The following LRRC4C variants were observed in gnomAD, a reference collection of about 807,000 sequenced individuals.
The protein encoded by LRRC4C is leucine rich repeat containing 4C, also known as leucine-rich repeat-containing protein 4C.
In LRRC4C, 5 loss-of-function variants were observed where a neutral mutation model predicts 33.6. The ratio of observed to expected loss-of-function variants is 0.15; its 90% CI spans 0.08 to 0.31. The LOEUF (loss-of-function observed/expected upper bound fraction) is 0.31, where lower values mean the gene tolerates loss of function less well. Among genes scored for constraint, LRRC4C ranks in the 10% least tolerant of loss-of-function variants. The probability of loss-of-function intolerance (pLI) is 1.00; values close to 1 mark genes in which losing one functional copy is unlikely to be tolerated. For missense variants in LRRC4C, 560 were observed against 796.7 expected, an observed-to-expected ratio of 0.70 and a Z score of 3.58; for synonymous variants, 329 against 302.0, an observed-to-expected ratio of 1.09 and a Z score of -0.93.
chr11:41,006,697 G>A (rs1854777299), intron 1 of LRRC4C, among the ~76,000 whole-genome samples: 1 of 152,058 alleles, frequency 6.6e-6, no homozygotes, highest in Admixed American at 6.6e-5. Context: ...GAAAAAGAAG[G>A]GGGAAAAGTA....
chr11:41,196,882 T>C (rs1026613375), intron 1 of LRRC4C, among the ~76,000 whole-genome samples: 1 of 152,098 alleles, frequency 6.6e-6, no homozygotes, highest in Non-Finnish European at 1.5e-5. Flanking sequence ...CCCAACTTTC[T>C]GCAGGTAGAA....
At chr11:40,909,528 G>A (rs76836974) in intron 2 of LRRC4C, among the ~76,000 whole-genome samples, 8,624 of 152,062 alleles carry the variant, frequency 0.057, 405 homozygotes, top group East Asian at 0.23. Context: ...TACATTTAGG[G>A]TGGTATATTC....
Position 41,051,520 on chromosome 11 carries a change from C to CAAAAAAAAAAAAAAAAAAAAAAAAAA in LRRC4C, c.-495-117823_-495-117798dup. On this transcript the variant is annotated intron_variant, in intron 1 of 6. Transcript: ENST00000528697. ...CTCAGTCCCTCCCAGGGTCTCAAGGCAAAAAAAAAAAAAAAAAAAAAAAAA... is the reference window on the plus strand; with the variant it reads ...CTCAGTCCCTCCCAGGGTCTCAAGGCAAAAAAAAAAAAAAAAAAAAAAAAAAAAAAAAAAAAAAAAAAAAAAAAAAA... 7.6e-4 allele frequency among the ~76,000 whole-genome samples: 46 copies of CAAAAAAAAAAAAAAAAAAAAAAAAAA among 60,286 alleles called. 3 individuals carry two copies. The highest frequency in any genetic ancestry group is 1.3e-3 in the South Asian group (2 of 1,542). The allele number at this position is 60,286 out of a possible 152,430, so 39.5% of individuals were successfully genotyped here. A position where few individuals can be genotyped will look rare whatever the true frequency, so the allele number is the denominator to read the frequency against.
chr11:40,527,278 G>A (rs576575785), intron 3 of LRRC4C, among the ~76,000 whole-genome samples: 5 of 152,112 alleles, frequency 3.3e-5, no homozygotes, highest in Admixed American at 2.6e-4. Flanking sequence ...TATACTTTAC[G>A]TGCTTATTAA....
intron 1 of LRRC4C, among the ~76,000 whole-genome samples, chr11:41,064,511 T>C (rs1467414566): frequency 2.6e-5 from 4 of 152,226 alleles, no homozygotes; most frequent in African/African-American, 9.6e-5. Flanking sequence ...TAGCAAGCCA[T>C]AGAGAAATAT....
chr11:41,215,102 G>C (rs1310897544), intron 1 of LRRC4C, among the ~76,000 whole-genome samples: 1 of 149,724 alleles, frequency 6.7e-6, no homozygotes, highest in Non-Finnish European at 1.5e-5. Flanking sequence ...CACTTTCTAA[G>C]TGTAAAGTTC....
intron 2 of LRRC4C, among the ~76,000 whole-genome samples, chr11:40,681,925 T>C (rs1400140831): frequency 1.3e-5 from 2 of 152,030 alleles, no homozygotes; most frequent in African/African-American, 4.8e-5. Flanking sequence ...AATGATTCAA[T>C]GGACTTTGGG....
At chr11:40,686,347 C>G (rs1031646725) in intron 2 of LRRC4C, among the ~76,000 whole-genome samples, 12 of 152,088 alleles carry the variant, frequency 7.9e-5, no homozygotes, top group African/African-American at 2.9e-4. Flanking sequence ...TGTGTGCTAA[C>G]TGAGTAAAAG....
At chr11:40,186,450 G>C (rs1861408180) in intron 5 of LRRC4C, among the ~76,000 whole-genome samples, 1 of 152,050 alleles carries the variant, frequency 6.6e-6, no homozygotes, top group Non-Finnish European at 1.5e-5. Context: ...CTCCTTCCCA[G>C]ACCAAATCTC....
chr11:40,763,027 C>T (rs1039185198), intron 2 of LRRC4C, among the ~76,000 whole-genome samples: 2 of 79,118 alleles, frequency 2.5e-5, no homozygotes, highest in Non-Finnish European at 6.1e-5. Context: ...AATATTATGG[C>T]CATTTAAAAA....
At chr11:40,896,410 C>T (rs1955941071) in intron 2 of LRRC4C, among the ~76,000 whole-genome samples, 1 of 152,144 alleles carries the variant, frequency 6.6e-6, no homozygotes, top group Non-Finnish European at 1.5e-5. Context: ...CATCTTCTCA[C>T]TGATAAATCT....
At chr11:40,390,731 T>C (rs1459446294) in intron 3 of LRRC4C, among the ~76,000 whole-genome samples, 1 of 152,170 alleles carries the variant, frequency 6.6e-6, no homozygotes, top group African/African-American at 2.4e-5. Context: ...CCTGACTCAT[T>C]TGACTCTTTG....
chr11:40,789,371 T>C (rs1487430692), intron 2 of LRRC4C, among the ~76,000 whole-genome samples: 2 of 152,150 alleles, frequency 1.3e-5, no homozygotes, highest in African/African-American at 4.8e-5. Context: ...ACATAGTCGA[T>C]TGCACATCTA....
At chr11:41,299,463 T>C (rs1950228332) in intron 1 of LRRC4C, among the ~76,000 whole-genome samples, 1 of 152,248 alleles carries the variant, frequency 6.6e-6, no homozygotes, top group East Asian at 1.9e-4. Flanking sequence ...TAAAATGTCA[T>C]AATGTCTTAG....
At chr11:40,128,051 A>C (rs1856383179) in intron 6 of LRRC4C, among the ~76,000 whole-genome samples, 1 of 150,700 alleles carries the variant, frequency 6.6e-6, no homozygotes, top group African/African-American at 2.4e-5. Flanking sequence ...CAAAACAAAA[A>C]CCAGCTTTAG....
chr11:40,943,306 C>T (rs1958242617), intron 1 of LRRC4C, among the ~76,000 whole-genome samples: 1 of 152,184 alleles, frequency 6.6e-6, no homozygotes, highest in Admixed American at 6.6e-5. Context: ...CAAAGTGATG[C>T]TTAAGTAACT....
chr11:40,463,686 A>G (rs1391695677), intron 3 of LRRC4C, among the ~76,000 whole-genome samples: 2 of 152,128 alleles, frequency 1.3e-5, no homozygotes, highest in African/African-American at 2.4e-5. Context: ...CAAAATGCTC[A>G]ATGAACAAAG....
chr11:40,514,728 CT>C (rs1447874868), intron 3 of LRRC4C, among the ~76,000 whole-genome samples: 2 of 151,938 alleles, frequency 1.3e-5, no homozygotes, highest in East Asian at 3.9e-4. Context: ...CTCCTCCCCA[CT>C]TTCTTCTATC....
At position 40,962,007 on chromosome 11, in the gene LRRC4C, A is replaced by G. The variant is rs116779138; in HGVS notation, c.-495-28284T>C. 4.9e-3 allele frequency among the ~76,000 whole-genome samples: 749 copies of G among 151,690 alleles called. 5 individuals carry two copies. Among genetic ancestry groups the G allele is most frequent in the African/African-American group, 0.017 (702 of 41,476 alleles). ...TGACCCAGAAACTGACTGATCTCCAAGGTCTAAAATATTTACACTCTGGCC... is the reference window on the plus strand; with the variant it reads ...TGACCCAGAAACTGACTGATCTCCAGGGTCTAAAATATTTACACTCTGGCC... On this transcript the variant is annotated intron_variant, in intron 1 of 6. Transcript: ENST00000528697.
Sources: allele counts gnomAD v4.1 joint callset (sites outside exome capture counted in the v4.1 genomes callset), GRCh38; gene constraint gnomAD v4.1.1; transcripts MANE v1.5; gene names NCBI Gene and HGNC (gene_info 2026-07-23, HGNC 2026-07-21).